The following PLXDC2 variants were observed in gnomAD, a reference collection of about 807,000 sequenced individuals.
PLXDC2 encodes plexin domain-containing protein 2.
PLXDC2 carries 40 observed loss-of-function variants against 68.9 expected under a neutral mutation model. The observed-to-expected ratio is 0.58, with a 90% CI of 0.45 to 0.76. The LOEUF (loss-of-function observed/expected upper bound fraction) is 0.76, where lower values mean the gene tolerates loss of function less well. PLXDC2 is among the 30% of genes least tolerant of loss of function. The pLI, the probability that PLXDC2 is intolerant of heterozygous loss-of-function variation, is 0.00. For synonymous variants in PLXDC2, 243 were observed against 234.2 expected, an observed-to-expected ratio of 1.04 and a Z score of -0.34; for missense variants, 644 against 661.9, an observed-to-expected ratio of 0.97 and a Z score of 0.30.
Position 20,086,875 on chromosome 10 carries a change from A to G in PLXDC2, c.541+18636A>G, listed in dbSNP as rs185541177. On this transcript the variant is annotated intron_variant, in intron 4 of 13. Coordinates refer to ENST00000377252, the MANE Select transcript of PLXDC2 (RefSeq NM_032812.9). ...TGAATAACTGTTGTGCCACTTATAC[A>G]TGGCTTGTATTAAAAGCAATGTCTC... is the stretch of plus-strand genomic sequence containing the variant. Among the ~76,000 whole-genome samples, 1,260 of 152,316 alleles carry G rather than the reference A, an allele frequency of 8.3e-3. 9 individuals carry two copies. The highest frequency in any genetic ancestry group is 0.013 in the Non-Finnish European group (857 of 68,032).
At chr10:19,863,472 A>G (rs527320107) in intron 1 of PLXDC2, among the ~76,000 whole-genome samples, 1 of 152,310 alleles carries the variant, frequency 6.6e-6, no homozygotes, top group Non-Finnish European at 1.5e-5. Context: ...TGTATATTAG[A>G]CAGAACATCC....
In PLXDC2 at chr10:20,287,921, G is replaced by C. The variant is rs192856613; in HGVS notation, c.*8102G>C. The C allele has an allele frequency of 7.4e-6, 1 of 135,248 alleles. No individual in the cohort carries two copies. The highest frequency in any genetic ancestry group is 1.5e-5 in the Non-Finnish European group (1 of 65,350). The allele number at this position is 135,248 out of a possible 1,614,324, so 8.4% of individuals were successfully genotyped here. A position where few individuals can be genotyped will look rare whatever the true frequency, so the allele number is the denominator to read the frequency against. On this transcript the variant is annotated 3_prime_UTR_variant, in exon 14 of 14. Transcript: ENST00000377252. Reference sequence around the variant, plus strand: ...TTACTACTGTTTCTGGTAATTCTGTGTGTAGTCATTTGAAATGTTGAAGTG... The same window carrying C: ...TTACTACTGTTTCTGGTAATTCTGTCTGTAGTCATTTGAAATGTTGAAGTG...
intron 1 of PLXDC2, among the ~76,000 whole-genome samples, chr10:19,884,812 T>C (rs148617140): frequency 1.7e-3 from 264 of 152,334 alleles, no homozygotes; most frequent in African/African-American, 6.1e-3. Context: ...GCAGTAAATA[T>C]ATGTGTGCAT....
chr10:19,833,053 T>A (rs1394492356), intron 1 of PLXDC2, among the ~76,000 whole-genome samples: 2 of 152,140 alleles, frequency 1.3e-5, no homozygotes, highest in Admixed American at 6.6e-5. Flanking sequence ...GTTTGGTGGG[T>A]TTCAGTAGAA....
intron 3 of PLXDC2, among the ~76,000 whole-genome samples, chr10:20,048,590 T>G (rs1835837343): frequency 6.6e-6 from 1 of 152,130 alleles, no homozygotes; most frequent in Admixed American, 6.6e-5. Context: ...TCGTGGAATT[T>G]TGAATGTTGG....
intron 1 of PLXDC2, among the ~76,000 whole-genome samples, chr10:19,956,320 A>G (rs191136767): frequency 5.3e-5 from 8 of 152,276 alleles, no homozygotes; most frequent in Admixed American, 2.0e-4. Context: ...ACAATGTAAC[A>G]TATCTCAGTA....
Position 20,222,687 on chromosome 10 carries a change from C to T in PLXDC2, c.1312+3585C>T, listed in dbSNP as rs1166002082. On this transcript the variant is annotated intron_variant, in intron 12 of 13. Coordinates refer to ENST00000377252, the MANE Select transcript of PLXDC2 (RefSeq NM_032812.9). Reference sequence around the variant, plus strand: ...CCATTGAAATGGCTGGTTCTAAAAACGCAGATGATCCATTGCAGAGCCAGG... The same window carrying T: ...CCATTGAAATGGCTGGTTCTAAAAATGCAGATGATCCATTGCAGAGCCAGG... Among the ~76,000 whole-genome samples the T allele has an allele frequency of 3.9e-5, 6 of 152,012 alleles. No homozygotes were observed. The South Asian group carries it at 6.2e-4, about 16-fold the overall frequency.
chr10:19,918,981 G>C (rs1312750034), intron 1 of PLXDC2, among the ~76,000 whole-genome samples: 1 of 152,162 alleles, frequency 6.6e-6, no homozygotes, highest in African/African-American at 2.4e-5. Flanking sequence ...CTGTCTCCCA[G>C]GAAACAATCT....
intron 4 of PLXDC2, among the ~76,000 whole-genome samples, chr10:20,111,816 A>G (rs1431012063): frequency 6.6e-6 from 1 of 152,260 alleles, no homozygotes; most frequent in Non-Finnish European, 1.5e-5. Flanking sequence ...GTATACTTCA[A>G]GTAATTTCTA....
intron 1 of PLXDC2, among the ~76,000 whole-genome samples, chr10:19,929,054 C>T (rs535016808): frequency 3.8e-4 from 57 of 151,462 alleles, no homozygotes; most frequent in Non-Finnish European, 5.7e-4. Context: ...CATGCCCAGA[C>T]GATAGGGCTT....
At chr10:20,113,326 C>A (rs146937323) in intron 4 of PLXDC2, among the ~76,000 whole-genome samples, 3 of 152,168 alleles carry the variant, frequency 2.0e-5, no homozygotes, top group African/African-American at 2.4e-5. Context: ...TCTAAACAAG[C>A]CTTCAAACCC....
intron 9 of PLXDC2, among the ~76,000 whole-genome samples, chr10:20,188,281 CT>C (rs2131836306): frequency 6.6e-6 from 1 of 151,848 alleles, no homozygotes; most frequent in East Asian, 1.9e-4. Flanking sequence ...TTTCTTACCC[CT>C]AGTAGCCATT....
chr10:20,098,346 C>CGTGTGTGTGTGTGTGTGT (rs762519549), intron 4 of PLXDC2, among the ~76,000 whole-genome samples: 12 of 103,118 alleles, frequency 1.2e-4, no homozygotes, highest in African/African-American at 2.3e-4. Flanking sequence ...CATTTTCGTG[C>CGTGTGTGTGTGTGTGTGT]GTGTGTGTGT....
chr10:20,002,859 C>T (rs1201412881), intron 2 of PLXDC2, among the ~76,000 whole-genome samples: 3 of 152,086 alleles, frequency 2.0e-5, no homozygotes, highest in Non-Finnish European at 2.9e-5. Context: ...AGGACTGTCT[C>T]ATAGGGTGAC....
chr10:20,149,977 G>A (rs1460842397), intron 6 of PLXDC2, among the ~76,000 whole-genome samples: 3 of 152,104 alleles, frequency 2.0e-5, no homozygotes, highest in Non-Finnish European at 2.9e-5. Flanking sequence ...AGAAAATGAT[G>A]CAGAAAATAC....
Position 20,002,833 on chromosome 10 carries a change from G to A in PLXDC2, c.324+847G>A, listed in dbSNP as rs1452832220. Among the ~76,000 whole-genome samples the A allele has an allele frequency of 5.9e-5, 9 of 152,288 alleles. No homozygotes were observed. In the East Asian group the frequency reaches 1.7e-3, roughly 30 times the overall value. On this transcript the variant is annotated intron_variant, in intron 2 of 13. Coordinates refer to ENST00000377252, the MANE Select transcript of PLXDC2 (RefSeq NM_032812.9). ...AAATTTCCTCTGCAGTGGCTGAGGT[G>A]TAGAATGACATCTCCAGGACTGTCT...
intron 13 of PLXDC2, among the ~76,000 whole-genome samples, chr10:20,260,696 C>CTATGAATATATATTCATATGATATGGA (rs1307428953): frequency 6.6e-6 from 1 of 152,144 alleles, no homozygotes; most frequent in Non-Finnish European, 1.5e-5. Flanking sequence ...ACTTCATTTT[C>CTATGAATATATATTCATATGATATGGA]TATGAATATA....
chr10:20,234,572 GCACAGTTTATTAGTTCTCGTAA>G (rs1399858018), intron 12 of PLXDC2, among the ~76,000 whole-genome samples: 3 of 151,466 alleles, frequency 2.0e-5, no homozygotes, highest in African/African-American at 7.3e-5. Flanking sequence ...GTCCTATGTG[GCACAGTTTATTAGTTCTCGTAA>G]CACAAACTAA....
intron 4 of PLXDC2, among the ~76,000 whole-genome samples, chr10:20,095,978 A>G (rs1182022082): frequency 6.6e-6 from 1 of 152,176 alleles, no homozygotes; most frequent in Non-Finnish European, 1.5e-5. Flanking sequence ...GTTAATGTTC[A>G]TTGAAATTCA....
Sources: gnomAD v4.1 joint callset for allele counts (sites outside exome capture counted in the v4.1 genomes callset) on GRCh38, gnomAD v4.1.1 for gene constraint, MANE v1.5 for transcripts, NCBI Gene and HGNC (gene_info 2026-07-23, HGNC 2026-07-21) for gene names.